The following ZBTB16 variants were observed in gnomAD, a reference collection of about 807,000 sequenced individuals.
The protein encoded by ZBTB16 is zinc finger and BTB domain-containing protein 16.
ZBTB16 carries 8 observed loss-of-function variants against 56.8 expected under a neutral mutation model. The ratio of observed to expected loss-of-function variants is 0.14; its 90% CI spans 0.08 to 0.25. ZBTB16 has a LOEUF of 0.25. Among genes scored for constraint, ZBTB16 ranks in the 10% least tolerant of loss-of-function variants. The pLI is 1.00. For synonymous variants in ZBTB16, 363 were observed against 368.5 expected (o/e 0.98, Z 0.17); for missense variants, 625 against 903.0 (o/e 0.69, Z 3.95).
At chr11:114,197,760 G>A (rs796593704) in intron 4 of ZBTB16, among the ~76,000 whole-genome samples, 12 of 152,048 alleles carry the variant, frequency 7.9e-5, no homozygotes, top group African/African-American at 2.2e-4. Flanking sequence ...TCGCTCTGTC[G>A]CCCAGGCTGG....
chr11:114,194,762 C>T (rs564547802), intron 4 of ZBTB16, among the ~76,000 whole-genome samples: 1 of 152,336 alleles, frequency 6.6e-6, no homozygotes, highest in East Asian at 1.9e-4. Flanking sequence ...ACACCCAGTG[C>T]ACCACCTGGC....
At chr11:114,236,634 T>A (rs1944596797) in intron 4 of ZBTB16, among the ~76,000 whole-genome samples, 1 of 152,192 alleles carries the variant, frequency 6.6e-6, no homozygotes, top group Non-Finnish European at 1.5e-5. Flanking sequence ...TGGACTGTAG[T>A]CTGAACTTTC....
chr11:114,164,646 C>T (rs575343645), intron 3 of ZBTB16, among the ~76,000 whole-genome samples: 22 of 152,346 alleles, frequency 1.4e-4, no homozygotes, highest in Non-Finnish European at 2.5e-4. Context: ...CACACCCTGC[C>T]GGAAGCGTTC....
intron 4 of ZBTB16, among the ~76,000 whole-genome samples, chr11:114,241,221 T>C (rs1446848401): frequency 6.7e-6 from 1 of 148,336 alleles, no homozygotes; most frequent in Non-Finnish European, 1.5e-5. Flanking sequence ...CTTTAGTGAG[T>C]GGAGAAGTAG....
rs12419231 is a variant in ZBTB16, at chr11:114,105,309, C to T, written c.1268+40741C>T. On this transcript the variant is annotated intron_variant, in intron 2 of 6. Coordinates refer to ENST00000335953, the MANE Select transcript of ZBTB16 (RefSeq NM_006006.6). ...AGGCTGGAATGCGCTGGCACGATCT[C>T]GGCTCACTGCAACTTCCACCTCCTG... is the stretch of plus-strand genomic sequence containing the variant. 5.8e-3 allele frequency among the ~76,000 whole-genome samples: 882 copies of T among 151,864 alleles called. 21 individuals are homozygous for T. The highest frequency in any genetic ancestry group is 0.052 in the Admixed American group (789 of 15,258).
At chr11:114,200,726 C>T (rs1943719930) in intron 4 of ZBTB16, among the ~76,000 whole-genome samples, 1 of 152,124 alleles carries the variant, frequency 6.6e-6, no homozygotes, top group Non-Finnish European at 1.5e-5. Flanking sequence ...CTCAGGTTTC[C>T]ACTCGTCTCC....
chr11:114,147,895 AAG>A (rs748714595), intron 2 of ZBTB16, among the ~76,000 whole-genome samples: 2 of 152,200 alleles, frequency 1.3e-5, no homozygotes, highest in Non-Finnish European at 2.9e-5. Flanking sequence ...ACCTTGTTGA[AAG>A]AGACTGTATG....
chr11:114,186,736 C>G (rs1233245987), intron 3 of ZBTB16, among the ~76,000 whole-genome samples: 1 of 152,162 alleles, frequency 6.6e-6, no homozygotes, highest in Non-Finnish European at 1.5e-5. Flanking sequence ...GTTTCTCCTT[C>G]TCTCTAGAAG....
chr11:114,230,337 C>T lies in ZBTB16; in HGVS notation c.1454-11830C>T, dbSNP rs542908906. ...CATTCTGCCGTTGCTAAGACCAACTCCATGAGCTCGACCTGCCCTGCCCTC... is the reference window on the plus strand; with the variant it reads ...CATTCTGCCGTTGCTAAGACCAACTTCATGAGCTCGACCTGCCCTGCCCTC... On this transcript the variant is annotated intron_variant, in intron 4 of 6. Coordinates refer to ENST00000335953, the MANE Select transcript of ZBTB16 (RefSeq NM_006006.6). Among the ~76,000 whole-genome samples the T allele has an allele frequency of 3.1e-4, 47 of 152,278 alleles. 1 individual carries two copies. In the South Asian group the frequency reaches 8.3e-3, roughly 27 times the overall value.
intron 4 of ZBTB16, among the ~76,000 whole-genome samples, chr11:114,204,472 A>G (rs1461855885): frequency 1.3e-5 from 2 of 152,090 alleles, no homozygotes; most frequent in African/African-American, 2.4e-5. Flanking sequence ...TGGGGCTATG[A>G]TATTCAGTGC....
chr11:114,086,097 C>A (rs1939949027), intron 2 of ZBTB16, among the ~76,000 whole-genome samples: 1 of 152,130 alleles, frequency 6.6e-6, no homozygotes, highest in South Asian at 2.1e-4. Flanking sequence ...CTGCCCTGCT[C>A]TGTGGAGCCT....
At chr11:114,198,051 T>G (rs1315303286) in intron 4 of ZBTB16, among the ~76,000 whole-genome samples, 1 of 151,026 alleles carries the variant, frequency 6.6e-6, no homozygotes, top group African/African-American at 2.4e-5. Flanking sequence ...CAAACGAACC[T>G]CAAACCTCTG....
intron 2 of ZBTB16, among the ~76,000 whole-genome samples, chr11:114,142,551 G>C (rs1252231458): frequency 6.6e-6 from 1 of 152,196 alleles, no homozygotes; most frequent in East Asian, 1.9e-4. Flanking sequence ...ATTTATCGCT[G>C]TTGTCAAAAC....
rs995571489 is a variant in ZBTB16, at chr11:114,194,336, C to T, written c.1453+7298C>T. Among the ~76,000 whole-genome samples, 11 of 152,268 alleles carry T rather than the reference C, an allele frequency of 7.2e-5. No homozygotes were observed. In the South Asian group the frequency reaches 2.3e-3, roughly 32 times the overall value. ...AATTCCAGCCTATCCAAGAGAATGGCATGTTCACATCTCACCCTTTTGACC... is the reference window on the plus strand; with the variant it reads ...AATTCCAGCCTATCCAAGAGAATGGTATGTTCACATCTCACCCTTTTGACC... On this transcript the variant is annotated intron_variant, in intron 4 of 6. Transcript: ENST00000335953.
intron 2 of ZBTB16, among the ~76,000 whole-genome samples, chr11:114,101,048 T>C (rs1940590626): frequency 6.6e-6 from 1 of 152,160 alleles, no homozygotes; most frequent in South Asian, 2.1e-4. Context: ...TTGCTCAGGC[T>C]GGAGTGCAGT....
At chr11:114,199,979 T>A (rs919003131) in intron 4 of ZBTB16, among the ~76,000 whole-genome samples, 4 of 151,800 alleles carry the variant, frequency 2.6e-5, no homozygotes, top group African/African-American at 9.7e-5. Context: ...ATACAAAAAA[T>A]TAGCCGGGCT....
At chr11:114,074,233 T>C (rs1040731811) in intron 2 of ZBTB16, among the ~76,000 whole-genome samples, 2 of 152,216 alleles carry the variant, frequency 1.3e-5, no homozygotes, top group Non-Finnish European at 2.9e-5. Context: ...GGCGTTGTGC[T>C]CTAAGTGGAT....
intron 3 of ZBTB16, among the ~76,000 whole-genome samples, chr11:114,159,941 G>GA (rs1555145944): frequency 6.8e-6 from 1 of 146,046 alleles, no homozygotes; most frequent in East Asian, 2.0e-4. Context: ...GGGAGGCGGG[G>GA]GGGAGGCGAG....
intron 6 of ZBTB16, among the ~76,000 whole-genome samples, chr11:114,247,692 G>T (rs1227360873): frequency 6.6e-6 from 1 of 152,120 alleles, no homozygotes; most frequent in Non-Finnish European, 1.5e-5. Context: ...CTGAATTAGG[G>T]GTAAGTTGGT....
Sources: allele counts gnomAD v4.1 joint callset (sites outside exome capture counted in the v4.1 genomes callset), GRCh38; gene constraint gnomAD v4.1.1; transcripts MANE v1.5; gene names NCBI Gene and HGNC (gene_info 2026-07-23, HGNC 2026-07-21).